UBA6: variants seen among roughly 807,000 people sequenced by gnomAD.
UBA6 encodes ubiquitin-like modifier-activating enzyme 6.
A neutral mutation model predicts 148.3 loss-of-function variants in UBA6; 87 were observed. The ratio of observed to expected loss-of-function variants is 0.59; its 90% CI spans 0.49 to 0.70. UBA6 has a LOEUF of 0.70. UBA6 is among the 30% of genes least tolerant of loss of function. The probability of loss-of-function intolerance (pLI) is 0.00; values close to 1 mark genes in which losing one functional copy is unlikely to be tolerated. For synonymous variants in UBA6, 376 were observed against 401.0 expected (o/e 0.94, Z 0.75); for missense variants, 1,186 against 1,241.2 (o/e 0.96, Z 0.67).
intron 2 of UBA6, among the ~76,000 whole-genome samples, chr4:67,686,704 C>T (rs992221262): frequency 6.6e-6 from 1 of 151,758 alleles, no homozygotes; most frequent in Non-Finnish European, 1.5e-5. Flanking sequence ...GTAATCCCAG[C>T]AATTTGGGAG....
rs1730205747 is a variant in UBA6, at chr4:67,673,707, G to A, written c.536C>T (p.Pro179Leu). The change falls in exon 7 of 33, where the codon CCT becomes CTT. Residue 179 changes from proline to leucine, a missense_variant. Pro to Leu is a moderately conservative substitution (Grantham distance 98). Transcript: ENST00000322244. ...AAATGATACAATTACCTTAATTGGA[G>A]GGCACTGAGAACGGCAAAAGTCATT... ...KINDFCRSQC[P>L]PIKFISADVH... 6 of 1,608,346 alleles carry A rather than the reference G, an allele frequency of 3.7e-6. No homozygotes were observed. Among genetic ancestry groups the A allele is most frequent in the African/African-American group, 1.3e-5 (1 of 74,794 alleles).
At chr4:67,692,068 TA>T (rs1011963588) in intron 2 of UBA6, among the ~76,000 whole-genome samples, 6 of 152,204 alleles carry the variant, frequency 3.9e-5, no homozygotes, top group African/African-American at 1.4e-4. Context: ...TTTGGTTACT[TA>T]AGTTCTTTAG....
chr4:67,639,073 T>C lies in UBA6; in HGVS notation c.1606A>G (p.Ile536Val), dbSNP rs760375445. 3.1e-6 allele frequency: 5 copies of C among 1,613,456 alleles called. No individual in the cohort carries two copies. Among genetic ancestry groups the C allele is most frequent in the African/African-American group, 2.7e-5 (2 of 74,916 alleles). ...ADATLKINSQ[I>V]KIDAHLNKVC... ...TTGTTCAGGTGTGCATCTATCTTTA[T>C]TTGAGAATTTATTTTCAGAGTAGCA... Residue 536 changes from isoleucine to valine, a missense_variant, in exon 19 of 33, where the codon ATA becomes GTA. Transcript: ENST00000322244.
intron 32 of UBA6, among the ~76,000 whole-genome samples, chr4:67,620,031 G>A (rs1375262507): frequency 6.6e-6 from 1 of 151,958 alleles, no homozygotes; most frequent in East Asian, 1.9e-4. Context: ...GAACTATATC[G>A]ATTTAATCCT....
chr4:67,655,285 T>C (rs1029374931), intron 13 of UBA6, among the ~76,000 whole-genome samples: 7 of 152,162 alleles, frequency 4.6e-5, no homozygotes. Context: ...ACCACATAAT[T>C]GGAAGTAAAA....
At chr4:67,663,413 G>T in intron 11 of UBA6, 198 bp from the exon 12 acceptor site, 1 of 453,094 alleles carries the variant, frequency 2.2e-6, no homozygotes, top group Non-Finnish European at 3.9e-6. Context: ...GAAGGTAAAT[G>T]ATCTAATCCC....
At chr4:67,634,165 T>C (rs1729067952) in intron 22 of UBA6, 77 bp downstream of exon 22, 1 of 948,188 alleles carries the variant, frequency 1.1e-6, no homozygotes, top group African/African-American at 1.7e-5. Flanking sequence ...GTAAAATAAA[T>C]CACTTGTAGA....
At chr4:67,654,942 A>C (rs1214784455) in intron 13 of UBA6, among the ~76,000 whole-genome samples, 1 of 152,150 alleles carries the variant, frequency 6.6e-6, no homozygotes. Flanking sequence ...AAAAGAGACA[A>C]AGAAGGCCAT....
chr4:67,631,987 G>T (rs1486313204), intron 23 of UBA6, 79 bp from the exon 24 acceptor site: 2 of 1,340,168 alleles, frequency 1.5e-6, no homozygotes, highest in Non-Finnish European at 1.0e-6. Context: ...ATTAAAAAAT[G>T]TGTGTAGTAA....
chr4:67,673,858 T>C, intron 6 of UBA6, 81 bp from the exon 7 acceptor site: 1 of 998,780 alleles, frequency 1.0e-6, no homozygotes, highest in Non-Finnish European at 1.5e-6. Context: ...GCATGTCAGT[T>C]TGCGTTGTGC....
chr4:67,677,389 T>G (rs917863524), intron 6 of UBA6, among the ~76,000 whole-genome samples: 1 of 152,216 alleles, frequency 6.6e-6, no homozygotes, highest in Non-Finnish European at 1.5e-5. Flanking sequence ...TAATGGATAT[T>G]ACTGAGAAAA....
intron 2 of UBA6, among the ~76,000 whole-genome samples, chr4:67,689,381 A>G (rs1262592582): frequency 1.3e-5 from 2 of 152,148 alleles, no homozygotes; most frequent in Admixed American, 1.3e-4. Flanking sequence ...TGAAGTATCA[A>G]CCTTACATAT....
rs1482969163 is a variant in UBA6, at chr4:67,644,679, T to TC, written c.1476+18dup. Reference sequence around the variant, plus strand: ...CAACAGAAATATAAACTTTTAACTCTCAAGAATTGATATCTTACCATTCCT... The same window carrying TC: ...CAACAGAAATATAAACTTTTAACTCTCCAAGAATTGATATCTTACCATTCCT... On this transcript the variant is annotated intron_variant, in intron 17 of 32. Transcript: ENST00000322244. 2 of 1,440,168 alleles carry TC rather than the reference T, an allele frequency of 1.4e-6. No individual in the cohort carries two copies. Among genetic ancestry groups the TC allele is most frequent in the Non-Finnish European group, 2.0e-6 (2 of 1,022,098 alleles). 89.2% of individuals were successfully genotyped at this position (1,440,168 alleles called of 1,614,324 possible). A position where few individuals can be genotyped will look rare whatever the true frequency, so the allele number is the denominator to read the frequency against.
rs749283216 is a variant in UBA6 at position 67,629,082 on chromosome 4, G to A, written c.2389C>T (p.Pro797Ser). Residue 797 changes from proline to serine, a missense_variant, in exon 27 of 33, where the codon CCT becomes TCT. By Grantham distance (74) the Pro-to-Ser change is moderately conservative. Coordinates refer to ENST00000322244, the MANE Select transcript of UBA6 (RefSeq NM_018227.6). ...LSEVKIQEFKPSNKVVQTDET... is the reference protein window; with the variant it reads ...LSEVKIQEFKSSNKVVQTDET... ...TTTTTTAAACATACCTTATTGGAAG[G>A]CTTGAATTCCTGAATCTTTACTTCT... 4 of 1,607,624 alleles carry A rather than the reference G, an allele frequency of 2.5e-6. No individual in the cohort carries two copies. Among genetic ancestry groups the A allele is most frequent in the South Asian group, 2.2e-5 (2 of 90,954 alleles).
At position 67,616,215 on chromosome 4, in the gene UBA6, T is replaced by G. The variant is rs4860853; in HGVS notation, c.*2782A>C. ...TATATGTTTTTGAATCTATGAAAAG[T>G]AAAATCGCTAAATCCATACACAGTG... On this transcript the variant is annotated 3_prime_UTR_variant, in exon 33 of 33. Transcript: ENST00000322244. The G allele has an allele frequency of 0.24, 92,982 of 395,348 alleles. 11,145 individuals carry two copies. The highest frequency in any genetic ancestry group is 0.25 in the Non-Finnish European group (56,190 of 224,154). The allele number at this position is 395,348 out of a possible 1,614,324, so 24.5% of individuals were successfully genotyped here.
intron 13 of UBA6, among the ~76,000 whole-genome samples, 176 bp from the exon 14 acceptor site, chr4:67,649,387 C>T (rs1729498577): frequency 6.6e-6 from 1 of 152,156 alleles, no homozygotes; most frequent in Non-Finnish European, 1.5e-5. Context: ...TTGCGTGTTA[C>T]CTTAAGTAGT....
chr4:67,636,364 A>AGGTCCC (rs1729139308), intron 19 of UBA6, among the ~76,000 whole-genome samples: 1 of 152,266 alleles, frequency 6.6e-6, no homozygotes, highest in East Asian at 1.9e-4. Context: ...AAAGAAATTT[A>AGGTCCC]GGTCCCTCTC....
Position 67,665,195 on chromosome 4 carries a change from A to C in UBA6, c.891T>G (p.Val297=), listed in dbSNP as rs1729962049. The C allele has an allele frequency of 6.4e-7, 1 of 1,564,422 alleles. No individual in the cohort carries two copies. ...CCGAAAAAAAAATACTTACAAAAAA[A>C]ACTGTTTTAGGAGTCTTAACTTGGA... ...IAVQVKTPKT[V]FFESLERQLK... is the part of the protein sequence containing the mutation. Residue 297 remains valine (V), a synonymous_variant, in exon 10 of 33, where the codon GTT becomes GTG. Transcript: ENST00000322244.
chr4:67,687,851 G>A (rs72848576), intron 2 of UBA6, among the ~76,000 whole-genome samples: 116 of 152,126 alleles, frequency 7.6e-4, no homozygotes, highest in African/African-American at 2.7e-3. Flanking sequence ...CCCACATGAC[G>A]CAAGTTTACA....
Sources: gnomAD v4.1 joint callset for allele counts (sites outside exome capture counted in the v4.1 genomes callset) on GRCh38, gnomAD v4.1.1 for gene constraint, MANE v1.5 for transcripts, NCBI Gene and HGNC (gene_info 2026-07-23, HGNC 2026-07-21) for gene names.